GRK4: variants seen among roughly 807,000 people sequenced by gnomAD.
GRK4 encodes G protein-coupled receptor kinase 2-like.
Under a neutral mutation model 77.9 loss-of-function variants are expected in GRK4, and 73 were observed. The ratio of observed to expected loss-of-function variants is 0.94; its 90% confidence interval spans 0.78 to 1.14. GRK4 has a LOEUF of 1.14. Ranked by LOEUF, GRK4 falls within the 50% of genes most tolerant of loss-of-function variation. The pLI, the probability that GRK4 is intolerant of heterozygous loss-of-function variation, is 0.00. For missense variants in GRK4, 729 were observed against 700.2 expected, an observed-to-expected ratio of 1.04 and a Z score of -0.46; for synonymous variants, 257 against 254.4, an observed-to-expected ratio of 1.01 and a Z score of -0.10.
At chr4:2,998,010 G>GT (rs1258664930) in intron 4 of GRK4, among the ~76,000 whole-genome samples, 3 of 152,072 alleles carry the variant, frequency 2.0e-5, no homozygotes, top group Non-Finnish European at 2.9e-5. Flanking sequence ...AGGGTCAACT[G>GT]TAAGTTCCAT....
At chr4:3,033,460 C>A (rs559572878) in intron 12 of GRK4, among the ~76,000 whole-genome samples, 4 of 152,198 alleles carry the variant, frequency 2.6e-5, no homozygotes, top group Non-Finnish European at 5.9e-5. Context: ...TTCAGAGCAT[C>A]CTGGCCCTCG....
chr4:2,989,112 C>T lies in GRK4; in HGVS notation c.261+273C>T, dbSNP rs148718113. Among the ~76,000 whole-genome samples, 1,592 of 151,894 alleles carry T rather than the reference C, an allele frequency of 0.01. 27 individuals are homozygous for T. Among genetic ancestry groups the T allele is most frequent in the African/African-American group, 0.036 (1,483 of 41,424 alleles). ...CAGGGGAATCACTTGAACCAGGAGG[C>T]GGAGGTTGCAGTGAGCCGAGATCGC... On this transcript the variant is annotated intron_variant, in intron 3 of 15. Transcript: ENST00000398052.
intron 1 of GRK4, among the ~76,000 whole-genome samples, chr4:2,968,742 G>T (rs1170851006): frequency 2.0e-5 from 3 of 152,198 alleles, no homozygotes; most frequent in African/African-American, 7.2e-5. Flanking sequence ...GGTAGGAAGC[G>T]CCCAGGTGGC....
intron 3 of GRK4, among the ~76,000 whole-genome samples, chr4:2,989,884 A>G (rs1725601411): frequency 6.6e-6 from 1 of 152,208 alleles, no homozygotes; most frequent in Non-Finnish European, 1.5e-5. Flanking sequence ...CAAAGCTATG[A>G]AATTCAGAAG....
At position 2,963,644 on chromosome 4, in the gene GRK4, C is replaced by T; in HGVS notation, c.-427C>T. 1 of 379,890 alleles carries T rather than the reference C, an allele frequency of 2.6e-6. No homozygotes were observed. The highest frequency in any genetic ancestry group is 5.6e-5 in the South Asian group (1 of 17,960). 23.5% of individuals were successfully genotyped at this position (379,890 alleles called of 1,614,324 possible). A position where few individuals can be genotyped will look rare whatever the true frequency, so the allele number is the denominator to read the frequency against. On this transcript the variant is annotated 5_prime_UTR_variant, in exon 1 of 16. Coordinates refer to ENST00000398052, the MANE Select transcript of GRK4 (RefSeq NM_182982.3). ...CGTTAGCGCCGAGCCCGCCCGGGAG[C>T]GGGTCGCCGGCCGCGGCGGGCGCCC... is the stretch of plus-strand genomic sequence containing the variant.
At position 3,038,512 on chromosome 4, in the gene GRK4, G is replaced by A; in HGVS notation, c.1682G>A (p.Gly561Glu). 1 of 1,607,480 alleles carries A rather than the reference G, an allele frequency of 6.2e-7. No homozygotes were observed. Among genetic ancestry groups the A allele is most frequent in the Non-Finnish European group, 8.5e-7 (1 of 1,178,320 alleles). The change falls in exon 15 of 16, where the codon GGG becomes GAG. Residue 561 changes from glycine (G) to glutamate (E), a missense_variant and splice_region_variant. Physicochemically the swap from Gly to Glu is moderately conservative, Grantham distance 98. Transcript: ENST00000398052. ...TTCTTCTATAGACTCTTCAGAAGAG[G>A]GGTAAAAAGACTTAAAAACTAATAT... ...RGFFYRLFRR[G>E]GCLTMVPSEK...
chr4:2,997,384 G>A (rs1392007504), intron 4 of GRK4, among the ~76,000 whole-genome samples: 2 of 152,040 alleles, frequency 1.3e-5, no homozygotes, highest in Non-Finnish European at 2.9e-5. Flanking sequence ...ACACCCCTTC[G>A]TGATAAAAGC....
chr4:3,028,912 C>CA (rs1286232684), intron 11 of GRK4, among the ~76,000 whole-genome samples: 6 of 152,136 alleles, frequency 3.9e-5, no homozygotes, highest in Non-Finnish European at 8.8e-5. Flanking sequence ...TCTGGAACTA[C>CA]AGGCGCCTGC....
intron 1 of GRK4, among the ~76,000 whole-genome samples, chr4:2,977,731 A>G (rs950384415): frequency 6.6e-6 from 1 of 152,136 alleles, no homozygotes; most frequent in Non-Finnish European, 1.5e-5. Context: ...CAAAGAAGCG[A>G]GAGAGCACGG....
intron 12 of GRK4, among the ~76,000 whole-genome samples, chr4:3,030,407 A>AT (rs113686740): frequency 1.6e-4 from 24 of 152,060 alleles, no homozygotes; most frequent in African/African-American, 5.8e-4. Context: ...TTAAACCAGT[A>AT]TTTTTTTAGC....
chr4:3,030,107 C>A (rs1738732206), intron 12 of GRK4, among the ~76,000 whole-genome samples: 1 of 152,206 alleles, frequency 6.6e-6, no homozygotes, highest in South Asian at 2.1e-4. Context: ...TAGCCACCTG[C>A]CAGGGATTGT....
chr4:3,037,690 G>T (rs561335284), intron 14 of GRK4, among the ~76,000 whole-genome samples, 179 bp downstream of exon 14: 5 of 152,266 alleles, frequency 3.3e-5, no homozygotes, highest in Admixed American at 3.3e-4. Flanking sequence ...GCTGAGGCAG[G>T]CAGATCATGA....
intron 4 of GRK4, among the ~76,000 whole-genome samples, chr4:2,998,358 A>G (rs1728568204): frequency 6.6e-6 from 1 of 152,154 alleles, no homozygotes; most frequent in Non-Finnish European, 1.5e-5. Flanking sequence ...CTCTGTTTAA[A>G]AAAAAAAAGA....
At chr4:3,010,141 CA>C (rs1578225305) in intron 7 of GRK4, among the ~76,000 whole-genome samples, 2 of 152,284 alleles carry the variant, frequency 1.3e-5, no homozygotes. Flanking sequence ...ATACCTACAT[CA>C]AAAGGTGTTT....
At chr4:3,015,256 C>T (rs764073123) in intron 8 of GRK4, among the ~76,000 whole-genome samples, 6 of 152,134 alleles carry the variant, frequency 3.9e-5, no homozygotes, top group Admixed American at 6.5e-5. Flanking sequence ...AGAGTGTGAA[C>T]GAGAATTTAT....
intron 3 of GRK4, among the ~76,000 whole-genome samples, chr4:2,991,915 G>A (rs1249237384): frequency 3.3e-5 from 5 of 152,056 alleles, no homozygotes; most frequent in Non-Finnish European, 5.9e-5. Flanking sequence ...GACTTCTTCC[G>A]CCTCATACAC....
intron 10 of GRK4, among the ~76,000 whole-genome samples, chr4:3,027,341 C>T (rs1737863875): frequency 6.6e-6 from 1 of 152,220 alleles, no homozygotes; most frequent in Non-Finnish European, 1.5e-5. Context: ...ACCACCGTGT[C>T]TGGCCTAATT....
At chr4:2,971,279 A>G (rs917684719) in intron 1 of GRK4, 1 of 152,200 alleles carries the variant, frequency 6.6e-6, no homozygotes, top group African/African-American at 2.4e-5. Flanking sequence ...CTCATATTAC[A>G]TTTTTGTGCT....
chr4:2,979,860 C>A (rs1203524236), intron 1 of GRK4, among the ~76,000 whole-genome samples: 1 of 152,174 alleles, frequency 6.6e-6, no homozygotes, highest in African/African-American at 2.4e-5. Context: ...GGTGACAGAG[C>A]AAGACCCTAT....
Sources: gnomAD v4.1 joint callset for allele counts (sites outside exome capture counted in the v4.1 genomes callset) on GRCh38, gnomAD v4.1.1 for gene constraint, MANE v1.5 for transcripts, NCBI Gene and HGNC (gene_info 2026-07-23, HGNC 2026-07-21) for gene names.